LRRC4C: variants seen among roughly 807,000 people sequenced by gnomAD.
The protein encoded by LRRC4C is leucine rich repeat containing 4C.
Under a neutral mutation model 33.6 loss-of-function variants are expected in LRRC4C, and 5 were observed. That is an observed-to-expected ratio of 0.15 (90% confidence interval 0.08 to 0.31). The LOEUF is 0.31. LRRC4C is among the 10% of genes least tolerant of loss of function. The probability of loss-of-function intolerance (pLI) is 1.00; values close to 1 mark genes in which losing one functional copy is unlikely to be tolerated. For synonymous variants in LRRC4C, 329 were observed against 302.0 expected (o/e 1.09, Z -0.93); for missense variants, 560 against 796.7 (o/e 0.70, Z 3.58).
chr11:40,175,917 T>C (rs1407244475), intron 5 of LRRC4C, among the ~76,000 whole-genome samples: 1 of 152,154 alleles, frequency 6.6e-6, no homozygotes, highest in Non-Finnish European at 1.5e-5. Flanking sequence ...TCAGCTACTG[T>C]GTCCCATGCC....
chr11:41,168,965 A>G (rs1944851743), intron 1 of LRRC4C, among the ~76,000 whole-genome samples: 1 of 152,190 alleles, frequency 6.6e-6, no homozygotes, highest in Non-Finnish European at 1.5e-5. Flanking sequence ...CATAATCGCC[A>G]TTCTTCGCAA....
intron 2 of LRRC4C, among the ~76,000 whole-genome samples, chr11:40,727,893 A>G (rs973805083): frequency 9.9e-5 from 15 of 152,098 alleles, no homozygotes; most frequent in Admixed American, 9.8e-4. Flanking sequence ...TACTAAAAAT[A>G]CAACAATGAG....
At chr11:40,747,533 C>A (rs12420899) in intron 2 of LRRC4C, among the ~76,000 whole-genome samples, 1 of 151,714 alleles carries the variant, frequency 6.6e-6, no homozygotes, top group Admixed American at 6.6e-5. Context: ...ACCGAAGGAG[C>A]GTGATAATTC....
At chr11:41,361,675 T>C (rs1300741626) in intron 1 of LRRC4C, among the ~76,000 whole-genome samples, 1 of 152,244 alleles carries the variant, frequency 6.6e-6, no homozygotes, top group East Asian at 1.9e-4. Flanking sequence ...TAATAGGATT[T>C]AAATTATATC....
At chr11:40,163,367 C>A (rs1859323633) in intron 5 of LRRC4C, among the ~76,000 whole-genome samples, 1 of 152,194 alleles carries the variant, frequency 6.6e-6, no homozygotes, top group Non-Finnish European at 1.5e-5. Context: ...GAAGTCACCA[C>A]CTCCTTCAAT....
At chr11:40,754,345 T>C (rs1014148957) in intron 2 of LRRC4C, among the ~76,000 whole-genome samples, 3 of 152,044 alleles carry the variant, frequency 2.0e-5, no homozygotes, top group African/African-American at 7.2e-5. Flanking sequence ...GGTAGATAGG[T>C]AGATAGGTGA....
At chr11:40,901,870 G>C (rs778573703) in intron 2 of LRRC4C, among the ~76,000 whole-genome samples, 1 of 151,834 alleles carries the variant, frequency 6.6e-6, no homozygotes, top group Non-Finnish European at 1.5e-5. Context: ...ATTTATATAT[G>C]AATATATAAC....
chr11:40,972,576 G>A (rs959459972), intron 1 of LRRC4C, among the ~76,000 whole-genome samples: 1 of 152,100 alleles, frequency 6.6e-6, no homozygotes, highest in African/African-American at 2.4e-5. Context: ...AGGTTTAATT[G>A]ACTCCCAGTT....
chr11:40,916,985 G>A (rs1956989796), intron 2 of LRRC4C, among the ~76,000 whole-genome samples: 1 of 151,954 alleles, frequency 6.6e-6, no homozygotes, highest in South Asian at 2.1e-4. Flanking sequence ...ATATTTTCTT[G>A]AACTATAATC....
At chr11:40,510,065 C>T (rs1955234223) in intron 3 of LRRC4C, among the ~76,000 whole-genome samples, 1 of 152,084 alleles carries the variant, frequency 6.6e-6, no homozygotes, top group Admixed American at 6.6e-5. Flanking sequence ...CAGTTATGCA[C>T]TGGAATCACC....
intron 2 of LRRC4C, among the ~76,000 whole-genome samples, chr11:40,674,643 C>G (rs1484533256): frequency 6.6e-6 from 1 of 151,976 alleles, no homozygotes; most frequent in African/African-American, 2.4e-5. Flanking sequence ...AAATCATATG[C>G]CTTCTTATTT....
At chr11:40,467,336 T>C (rs1030671501) in intron 3 of LRRC4C, among the ~76,000 whole-genome samples, 3 of 152,148 alleles carry the variant, frequency 2.0e-5, no homozygotes, top group Non-Finnish European at 4.4e-5. Flanking sequence ...AAAATCATCA[T>C]TATTACTTTG....
In LRRC4C at chr11:40,238,545, A is replaced by G. The variant is rs548834951; in HGVS notation, c.-96+2974T>C. On this transcript the variant is annotated intron_variant, in intron 5 of 6. Transcript: ENST00000528697. Reference sequence around the variant, plus strand: ...TTTTTAAAAAATGGCTAAGCACAGCATATCAAAGGAAAGATATAAAACATT... The same window carrying G: ...TTTTTAAAAAATGGCTAAGCACAGCGTATCAAAGGAAAGATATAAAACATT... Among the ~76,000 whole-genome samples, 35 of 152,328 alleles carry G rather than the reference A, an allele frequency of 2.3e-4. No individual in the cohort carries two copies. The South Asian group carries it at 6.8e-3, about 30-fold the overall frequency.
intron 2 of LRRC4C, among the ~76,000 whole-genome samples, chr11:40,812,988 C>T (rs1274404626): frequency 6.6e-6 from 1 of 152,156 alleles, no homozygotes; most frequent in Admixed American, 6.5e-5. Context: ...TTCACATTAA[C>T]ATCTTGAAAT....
At chr11:41,131,656 C>T (rs536396376) in intron 1 of LRRC4C, among the ~76,000 whole-genome samples, 3 of 152,000 alleles carry the variant, frequency 2.0e-5, no homozygotes, top group Non-Finnish European at 4.4e-5. Context: ...GGAGGTTAGG[C>T]ATTCTTAGTC....
chr11:40,166,866 A>G (rs2135400126), intron 5 of LRRC4C, among the ~76,000 whole-genome samples: 1 of 152,274 alleles, frequency 6.6e-6, no homozygotes, highest in South Asian at 2.1e-4. Context: ...ATATGTTTAT[A>G]TGGGTAGAGA....
chr11:40,658,924 G>C (rs1943271245), intron 2 of LRRC4C, among the ~76,000 whole-genome samples: 1 of 152,172 alleles, frequency 6.6e-6, no homozygotes, highest in Non-Finnish European at 1.5e-5. Flanking sequence ...GAACTGCTGG[G>C]GCTGCATGCT....
At chr11:41,022,811 C>A (rs894310885) in intron 1 of LRRC4C, among the ~76,000 whole-genome samples, 4 of 151,850 alleles carry the variant, frequency 2.6e-5, no homozygotes, top group African/African-American at 7.3e-5. Context: ...ACTTGATGAA[C>A]TGGGAAAATA....
intron 4 of LRRC4C, among the ~76,000 whole-genome samples, chr11:40,312,588 A>G (rs1406108871): frequency 6.6e-6 from 1 of 152,172 alleles, no homozygotes; most frequent in African/African-American, 2.4e-5. Flanking sequence ...GGGATTCCCA[A>G]CCCTTCATAG....
Sources: gnomAD v4.1 joint callset for allele counts (sites outside exome capture counted in the v4.1 genomes callset) on GRCh38, gnomAD v4.1.1 for gene constraint, MANE v1.5 for transcripts, NCBI Gene and HGNC (gene_info 2026-07-23, HGNC 2026-07-21) for gene names.